The following GBP2 variants were observed in gnomAD, a reference collection of about 807,000 sequenced individuals.
GBP2 encodes guanylate binding protein 2.
In GBP2, 54 loss-of-function variants were observed where a neutral mutation model predicts 60.8. The observed-to-expected ratio is 0.89, with a 90% CI of 0.71 to 1.11. GBP2 has a LOEUF of 1.11. GBP2 is among the 50% of genes most tolerant of loss of function. The probability of loss-of-function intolerance (pLI) is 0.00; values close to 1 mark genes in which losing one functional copy is unlikely to be tolerated. For missense variants in GBP2, 665 were observed against 703.3 expected (o/e 0.95, Z 0.62); for synonymous variants, 243 against 256.5 (o/e 0.95, Z 0.50).
chr1:89,115,289 C>A (rs1681246492), intron 6 of GBP2, among the ~76,000 whole-genome samples: 1 of 152,234 alleles, frequency 6.6e-6, no homozygotes, highest in South Asian at 2.1e-4. Flanking sequence ...TTTTCACTGT[C>A]ATAATCTGAG....
At chr1:89,109,920 G>A in intron 9 of GBP2, 50 bp from the exon 10 acceptor site, 1 of 1,504,262 alleles carries the variant, frequency 6.6e-7, no homozygotes, top group Admixed American at 1.9e-5. Context: ...AATTGTAGGT[G>A]TTCCCTTTTC....
intron 9 of GBP2, 61 bp downstream of exon 9, chr1:89,110,103 T>TATTG: frequency 8.3e-7 from 1 of 1,211,332 alleles, no homozygotes. Context: ...GGTGGACCAA[T>TATTG]ATTGCTAACT....
intron 1 of GBP2, among the ~76,000 whole-genome samples, chr1:89,123,861 CATCT>C (rs1225787677): frequency 1.3e-5 from 2 of 152,212 alleles, no homozygotes; most frequent in African/African-American, 2.4e-5. Context: ...ATTCCCATTC[CATCT>C]GTCTTTCTAT....
chr1:89,110,135 C>A, intron 9 of GBP2, 29 bp downstream of exon 9: 2 of 1,511,164 alleles, frequency 1.3e-6, no homozygotes, highest in Non-Finnish European at 1.8e-6. Context: ...AGCTTTCCGA[C>A]CATGTAGAGT....
intron 6 of GBP2, among the ~76,000 whole-genome samples, chr1:89,115,687 C>T (rs1456221535): frequency 6.6e-6 from 1 of 152,194 alleles, no homozygotes; most frequent in Non-Finnish European, 1.5e-5. Flanking sequence ...TAGCCTTGAA[C>T]TCCTGTGCTC....
At chr1:89,111,714 T>C (rs1455845335) in intron 8 of GBP2, among the ~76,000 whole-genome samples, 1 of 152,068 alleles carries the variant, frequency 6.6e-6, no homozygotes, top group Non-Finnish European at 1.5e-5. Context: ...TAGCACAACA[T>C]ACTTGAGAGC....
At chr1:89,116,522 G>A (rs1437986441) in intron 6 of GBP2, among the ~76,000 whole-genome samples, 1 of 150,834 alleles carries the variant, frequency 6.6e-6, no homozygotes, top group Non-Finnish European at 1.5e-5. Flanking sequence ...ATGCTGGAAT[G>A]AGGATAAAAG....
Position 89,112,590 on chromosome 1 carries a change from G to A in GBP2, c.1244C>T (p.Pro415Leu). Residue 415 changes from proline (P) to leucine (L), a missense_variant, in exon 8 of 11, where the codon CCT becomes CTT. Transcript: ENST00000370466. Reference sequence around the variant, plus strand: ...TCCCTGCTTGACATCTTCTTCTAAAGGGCCAAATATATCCTGAAGTAAAGC... The same window carrying A: ...TCCCTGCTTGACATCTTCTTCTAAAAGGCCAAATATATCCTGAAGTAAAGC... ...CMALLQDIFG[P>L]LEEDVKQGTF... 2 of 1,614,100 alleles carry A rather than the reference G, an allele frequency of 1.2e-6. No individual in the cohort carries two copies. The highest frequency in any genetic ancestry group is 1.3e-5 in the African/African-American group (1 of 75,032).
chr1:89,121,682 T>A, intron 2 of GBP2, 95 bp downstream of exon 2: 1 of 1,334,350 alleles, frequency 7.5e-7, no homozygotes, highest in East Asian at 2.3e-5. Flanking sequence ...GCTTTCAACA[T>A]TCATTCTCAT....
chr1:89,114,985 G>A (rs904641078), intron 6 of GBP2, among the ~76,000 whole-genome samples: 3 of 152,132 alleles, frequency 2.0e-5, no homozygotes, highest in African/African-American at 7.2e-5. Context: ...TTAAAAATAA[G>A]TTTTGCACCT....
chr1:89,121,303 T>A (rs1681392069), intron 2 of GBP2, 33 bp from the exon 3 acceptor site: 1 of 1,562,676 alleles, frequency 6.4e-7, no homozygotes, highest in African/African-American at 1.4e-5. Flanking sequence ...GGAAAAGAAA[T>A]TACTTAGTAG....
At chr1:89,113,865 G>A in intron 7 of GBP2, 151 bp downstream of exon 7, 1 of 1,042,306 alleles carries the variant, frequency 9.6e-7, no homozygotes, top group Admixed American at 2.5e-5. Flanking sequence ...TTTTTTTAAA[G>A]GTCTAAGGCT....
chr1:89,108,075 A>C lies in GBP2; in HGVS notation c.*100T>G. The C allele has an allele frequency of 2.9e-6, 2 of 681,354 alleles. No individual in the cohort carries two copies. The highest frequency in any genetic ancestry group is 2.6e-6 in the Non-Finnish European group (1 of 388,170). 42.2% of individuals were successfully genotyped at this position (681,354 alleles called of 1,614,324 possible). Reference sequence around the variant, plus strand: ...CAAAAATGCATGCATCATGATTTTGAGTTAAGTTTAATGGCAGTTGTTTGA... The same window carrying C: ...CAAAAATGCATGCATCATGATTTTGCGTTAAGTTTAATGGCAGTTGTTTGA... On this transcript the variant is annotated 3_prime_UTR_variant, in exon 11 of 11. Transcript: ENST00000370466.
intron 6 of GBP2, among the ~76,000 whole-genome samples, chr1:89,114,767 G>T (rs919718193): frequency 4.6e-5 from 7 of 152,160 alleles, no homozygotes; most frequent in African/African-American, 1.7e-4. Context: ...CATCGAGTTT[G>T]CCAGGGCTTT....
At position 89,110,282 on chromosome 1, in the gene GBP2, A is replaced by C; in HGVS notation, c.1363-16T>G. The C allele has an allele frequency of 6.3e-7, 1 of 1,587,112 alleles. No homozygotes were observed. Among genetic ancestry groups the C allele is most frequent in the Non-Finnish European group, 8.6e-7 (1 of 1,156,458 alleles). ...CCTCTTTGGCCTGGTTATACAGAGA[A>C]AGGTAGAATGAAGAAAGAGTGATTG... On this transcript the variant is annotated splice_polypyrimidine_tract_variant and intron_variant, in intron 8 of 10. Coordinates refer to ENST00000370466, the MANE Select transcript of GBP2 (RefSeq NM_004120.5).
chr1:89,123,449 C>T (rs960826169), intron 1 of GBP2, among the ~76,000 whole-genome samples: 13 of 152,036 alleles, frequency 8.6e-5, no homozygotes, highest in African/African-American at 3.1e-4. Context: ...TCATGTTTTC[C>T]CCTTGTTTTT....
chr1:89,117,577 C>G lies in GBP2; in HGVS notation c.625G>C (p.Gly209Arg). 1 of 1,611,784 alleles carries G rather than the reference C, an allele frequency of 6.2e-7. No individual in the cohort carries two copies. Among genetic ancestry groups the G allele is most frequent in the Non-Finnish European group, 8.5e-7 (1 of 1,179,050 alleles). Residue 209 changes from glycine to arginine, a missense_variant and splice_region_variant, in exon 5 of 11, where the codon GGT (glycine) becomes CGT (arginine). Transcript: ENST00000370466. The part of the protein sequence containing the change: ...YLELSLKLRK[G>R]TDKKSKSFND... ...CCAACCAAGCATCAGACCCAGTAAC[C>G]TTTTCTTAGCTTTAGCGAAAGCTCC...
At chr1:89,116,194 G>A (rs764334132) in intron 6 of GBP2, among the ~76,000 whole-genome samples, 1 of 151,564 alleles carries the variant, frequency 6.6e-6, no homozygotes, top group East Asian at 2.0e-4. Context: ...TGTGTTTTTA[G>A]TAGAGGAAGG....
Position 89,109,868 on chromosome 1 carries a change from C to T in GBP2, c.1468G>A (p.Glu490Lys). Residue 490 changes from glutamate to lysine, a missense_variant and splice_region_variant, in exon 10 of 11, where the codon GAA becomes AAA. Glu to Lys is a moderately conservative substitution (Grantham distance 56). Coordinates refer to ENST00000370466, the MANE Select transcript of GBP2 (RefSeq NM_004120.5). ...TCTGCAGATTCAGCCTTTATACGTT[C>T]CACTGTGGAAGAAAAATAAGCAGAA... ...LSEKEKAIEV[E>K]RIKAESAEAA... The T allele has an allele frequency of 6.2e-7, 1 of 1,608,360 alleles. No individual in the cohort carries two copies.
Sources: gnomAD v4.1 joint callset for allele counts (sites outside exome capture counted in the v4.1 genomes callset) on GRCh38, gnomAD v4.1.1 for gene constraint, MANE v1.5 for transcripts, NCBI Gene and HGNC (gene_info 2026-07-23, HGNC 2026-07-21) for gene names.